The following ZBTB20 variants were observed in gnomAD, a reference collection of about 807,000 sequenced individuals.
ZBTB20 encodes the protein zinc finger and BTB domain-containing protein 20.
Under a neutral mutation model 56.9 loss-of-function variants are expected in ZBTB20, and 9 were observed. That is an observed-to-expected ratio of 0.16 (90% CI 0.10 to 0.28). The LOEUF (loss-of-function observed/expected upper bound fraction) is 0.28. Among genes scored for constraint, ZBTB20 ranks in the 10% least tolerant of loss-of-function variants. The pLI, the probability that ZBTB20 is intolerant of heterozygous loss-of-function variation, is 1.00. For missense variants in ZBTB20, 655 were observed against 1,003.0 expected (o/e 0.65, Z 4.69); for synonymous variants, 417 against 420.7 (o/e 0.99, Z 0.11).
Position 114,883,915 on chromosome 3 carries a change from T to TC in ZBTB20, c.-417+16388dup, listed in dbSNP as rs201123582. Among the ~76,000 whole-genome samples, 38 of 31,488 alleles carry TC rather than the reference T, an allele frequency of 1.2e-3. 12 individuals are homozygous for TC. In the East Asian group the frequency reaches 0.061, roughly 51 times the overall value. 20.7% of individuals were successfully genotyped at this position (31,488 alleles called of 152,430 possible). ...GGTATAACTGGTAAGAATGGTGTGT[T>TC]CTTTTTTTTTTTTTTTTTTTTTTTT... On this transcript the variant is annotated intron_variant, in intron 4 of 11. Transcript: ENST00000675478.
chr3:115,119,471 A>G (rs1014506068), intron 1 of ZBTB20, among the ~76,000 whole-genome samples: 1 of 152,180 alleles, frequency 6.6e-6, no homozygotes, highest in Non-Finnish European at 1.5e-5. Context: ...AATATTTTAT[A>G]CATATTATCT....
intron 4 of ZBTB20, among the ~76,000 whole-genome samples, chr3:114,882,981 T>C (rs1029125185): frequency 5.9e-5 from 9 of 152,206 alleles, no homozygotes; most frequent in African/African-American, 2.2e-4. Flanking sequence ...TTTCTCATTC[T>C]AGACTTCTCT....
intron 6 of ZBTB20, among the ~76,000 whole-genome samples, chr3:114,631,060 T>A (rs1485146829): frequency 1.3e-5 from 2 of 152,128 alleles, no homozygotes; most frequent in African/African-American, 4.8e-5. Context: ...ACAGTACTAG[T>A]ATATGTACAT....
chr3:114,355,742 T>C (rs1382385521), intron 10 of ZBTB20, among the ~76,000 whole-genome samples: 4 of 152,184 alleles, frequency 2.6e-5, no homozygotes, highest in African/African-American at 9.7e-5. Flanking sequence ...ATTAGATGGT[T>C]ATTCAGGGAG....
At chr3:114,909,232 A>C (rs1359670752) in intron 3 of ZBTB20, among the ~76,000 whole-genome samples, 1 of 151,822 alleles carries the variant, frequency 6.6e-6, no homozygotes, top group Non-Finnish European at 1.5e-5. Flanking sequence ...GACCTGGCTA[A>C]TGTGTGCATT....
chr3:114,965,842 T>C (rs1304309745), intron 3 of ZBTB20, among the ~76,000 whole-genome samples: 2 of 152,178 alleles, frequency 1.3e-5, no homozygotes, highest in Non-Finnish European at 2.9e-5. Flanking sequence ...TTGCCTATTT[T>C]TCAGTTGGGT....
intron 1 of ZBTB20, among the ~76,000 whole-genome samples, chr3:115,101,360 T>C (rs1469173041): frequency 6.6e-6 from 1 of 152,214 alleles, no homozygotes; most frequent in South Asian, 2.1e-4. Flanking sequence ...ATTTTTTCTA[T>C]ATTCTAGTTC....
intron 6 of ZBTB20, among the ~76,000 whole-genome samples, chr3:114,689,405 T>A (rs1448493711): frequency 6.6e-6 from 1 of 152,128 alleles, no homozygotes; most frequent in Non-Finnish European, 1.5e-5. Context: ...CTGCCTCATG[T>A]AAGCAGAATC....
chr3:115,131,203 C>T (rs924143498), intron 1 of ZBTB20, among the ~76,000 whole-genome samples: 1 of 152,116 alleles, frequency 6.6e-6, no homozygotes, highest in Non-Finnish European at 1.5e-5. Context: ...TATTTCCTCT[C>T]ATAAATAGTT....
At chr3:114,537,766 G>C (rs1195642817) in intron 6 of ZBTB20, among the ~76,000 whole-genome samples, 2 of 152,118 alleles carry the variant, frequency 1.3e-5, no homozygotes, top group African/African-American at 4.8e-5. Context: ...ACTGGATAAA[G>C]AAAATGTGGC....
intron 4 of ZBTB20, among the ~76,000 whole-genome samples, chr3:114,830,708 C>G (rs1379694553): frequency 6.6e-6 from 1 of 151,982 alleles, no homozygotes; most frequent in Non-Finnish European, 1.5e-5. Flanking sequence ...ATTCTTGCAG[C>G]AAATAAGTGA....
chr3:115,005,761 T>TGTATTCACCTTCTAACTGAG (rs1252098149), intron 2 of ZBTB20, among the ~76,000 whole-genome samples: 1 of 151,800 alleles, frequency 6.6e-6, no homozygotes, highest in Non-Finnish European at 1.5e-5. Context: ...ACTGAACCAC[T>TGTATTCACCTTCTAACTGAG]GTATTCACCT....
intron 7 of ZBTB20, among the ~76,000 whole-genome samples, chr3:114,407,919 G>A (rs201143132): frequency 4.7e-5 from 7 of 150,054 alleles, no homozygotes; most frequent in Non-Finnish European, 8.9e-5. Flanking sequence ...TGAGGGGGGG[G>A]AAACATCTTT....
At chr3:114,701,625 C>T (rs1418770230) in intron 5 of ZBTB20, among the ~76,000 whole-genome samples, 1 of 152,026 alleles carries the variant, frequency 6.6e-6, no homozygotes, top group African/African-American at 2.4e-5. Context: ...AGCTAACCTG[C>T]GTAAGGAAAC....
intron 2 of ZBTB20, among the ~76,000 whole-genome samples, chr3:115,003,242 G>A (rs112732177): frequency 0.02 from 3,018 of 151,636 alleles, 38 homozygotes; most frequent in South Asian, 0.031. Flanking sequence ...TCATGCATTT[G>A]TCAAAATCCA....
At chr3:114,419,415 G>C (rs2108812723) in intron 7 of ZBTB20, among the ~76,000 whole-genome samples, 1 of 152,140 alleles carries the variant, frequency 6.6e-6, no homozygotes, top group East Asian at 1.9e-4. Flanking sequence ...AGAAAGGACT[G>C]ACTAAACACA....
rs568914579 is a variant in ZBTB20 at position 114,359,883 on chromosome 3, G to A, written c.200-8005C>T. Among the ~76,000 whole-genome samples the A allele has an allele frequency of 4.2e-4, 64 of 152,198 alleles. No homozygotes were observed. In the South Asian group the frequency reaches 0.013, roughly 30 times the overall value. On this transcript the variant is annotated intron_variant, in intron 10 of 11. Transcript: ENST00000675478. ...CCAGCATCTTCTTACTTGATAATCT[G>A]TTCTTGTGGTCTCTACATAATCATA...
chr3:114,593,917 T>G (rs1484032496), intron 6 of ZBTB20, among the ~76,000 whole-genome samples: 1 of 152,232 alleles, frequency 6.6e-6, no homozygotes, highest in South Asian at 2.1e-4. Flanking sequence ...GTTGATTTCC[T>G]GCCAGACAGT....
Position 114,423,318 on chromosome 3 carries a change from C to G in ZBTB20, c.-254-34213G>C, listed in dbSNP as rs570122029. Among the ~76,000 whole-genome samples, 8 of 152,268 alleles carry G rather than the reference C, an allele frequency of 5.3e-5. No individual in the cohort carries two copies. The South Asian group carries it at 1.7e-3, about 32-fold the overall frequency. ...TCACTCTGGTGTGTCAGGCTCAGCTCTCATAGACTTAACTAAGCATAAAAT... is the reference window on the plus strand; with the variant it reads ...TCACTCTGGTGTGTCAGGCTCAGCTGTCATAGACTTAACTAAGCATAAAAT... On this transcript the variant is annotated intron_variant, in intron 7 of 11. Coordinates refer to ENST00000675478, the MANE Select transcript of ZBTB20 (RefSeq NM_001348800.3).
Sources: allele counts gnomAD v4.1 joint callset (sites outside exome capture counted in the v4.1 genomes callset), GRCh38; gene constraint gnomAD v4.1.1; transcripts MANE v1.5; gene names NCBI Gene and HGNC (gene_info 2026-07-23, HGNC 2026-07-21).